The following COP1 variants were observed in gnomAD, a reference collection of about 807,000 sequenced individuals.
COP1 encodes the protein E3 ubiquitin-protein ligase COP1.
A neutral mutation model predicts 101.3 loss-of-function variants in COP1; 24 were observed. The observed-to-expected ratio is 0.24, with a 90% CI of 0.17 to 0.33. COP1 has a LOEUF of 0.33. COP1 is among the 10% of genes least tolerant of loss of function. The pLI, the probability that COP1 is intolerant of heterozygous loss-of-function variation, is 1.00. For missense variants in COP1, 663 were observed against 906.2 expected (o/e 0.73, Z 3.45); for synonymous variants, 347 against 341.9 (o/e 1.01, Z -0.17).
At chr1:176,182,425 G>A (rs1355841827) in intron 2 of COP1, among the ~76,000 whole-genome samples, 2 of 152,186 alleles carry the variant, frequency 1.3e-5, no homozygotes, top group Non-Finnish European at 2.9e-5. Flanking sequence ...TGTCCCCCAA[G>A]GGGTATCTGC....
In COP1 at chr1:176,085,802, A is replaced by T; in HGVS notation, c.1115T>A (p.Phe372Tyr). 1.2e-6 allele frequency: 2 copies of T among 1,602,060 alleles called. No homozygotes were observed. The highest frequency in any genetic ancestry group is 1.7e-6 in the Non-Finnish European group (2 of 1,170,882). ...TGAGATACGAGACATCCTTGTAGAA[A>T]AGTAACACTGCTCCAAGTCTTCAAA... is the stretch of plus-strand genomic sequence containing the variant. ...AHFEDLEQCY[F>Y]STRMSRISDD... The change falls in exon 10 of 20, where the codon TTT becomes TAT. Residue 372 changes from phenylalanine to tyrosine, a missense_variant. Phe to Tyr is a conservative substitution (Grantham distance 22). This residue lies in a region of COP1 where 212 missense variants were observed against 240.7 expected (regional missense o/e 0.88). Transcript: ENST00000367669.
Position 176,206,713 on chromosome 1 carries a change from T to C in COP1, c.266A>G (p.His89Arg). 1 of 1,596,590 alleles carries C rather than the reference T, an allele frequency of 6.3e-7. No homozygotes were observed. Among genetic ancestry groups the C allele is most frequent in the Non-Finnish European group, 8.5e-7 (1 of 1,176,922 alleles). ...GGAVSTGLSR[H>R]SCAARPSAGV... The stretch of plus-strand genomic sequence containing the variant: ...GGCGCTGGGCCTGGCCGCGCAGCTG[T>C]GCCGGGACAGGCCCGTGGACACCGC... Residue 89 changes from histidine to arginine, a missense_variant, in exon 1 of 20, where the codon CAC (histidine) becomes CGC (arginine). Physicochemically the swap from His to Arg is conservative, Grantham distance 29. Transcript: ENST00000367669.
At chr1:175,965,559 T>C (rs916908706) in intron 18 of COP1, among the ~76,000 whole-genome samples, 6 of 143,986 alleles carry the variant, frequency 4.2e-5, no homozygotes, top group Non-Finnish European at 7.5e-5. Context: ...TTCATTTCAC[T>C]TATCTGGGTT....
intron 18 of COP1, among the ~76,000 whole-genome samples, chr1:175,947,911 CCTT>C (rs1649390750): frequency 6.6e-6 from 1 of 152,172 alleles, no homozygotes; most frequent in Non-Finnish European, 1.5e-5. Flanking sequence ...CCAGCACACT[CCTT>C]CTTCATTCAT....
chr1:175,999,166 A>T (rs998347755), intron 15 of COP1, among the ~76,000 whole-genome samples: 7 of 152,136 alleles, frequency 4.6e-5, no homozygotes, highest in African/African-American at 1.7e-4. Context: ...TATTGACTAT[A>T]GTCACCTCGT....
chr1:176,162,727 A>C (rs975349274), intron 5 of COP1, 142 bp downstream of exon 5: 7 of 558,478 alleles, frequency 1.3e-5, no homozygotes, highest in African/African-American at 1.9e-5. Flanking sequence ...ATCTAGCAGA[A>C]GTGACACTTT....
chr1:176,098,042 A>G (rs2149488247), intron 9 of COP1, among the ~76,000 whole-genome samples: 1 of 152,338 alleles, frequency 6.6e-6, no homozygotes, highest in South Asian at 2.1e-4. Context: ...AGATGTCATC[A>G]AAATGTAAAT....
Position 176,114,067 on chromosome 1 carries a change from G to A in COP1, c.1026+2557C>T, listed in dbSNP as rs113901196. Among the ~76,000 whole-genome samples, 660 of 151,760 alleles carry A rather than the reference G, an allele frequency of 4.3e-3. 5 individuals are homozygous for A. Among genetic ancestry groups the A allele is most frequent in the Middle Eastern group, 6.8e-3 (2 of 294 alleles). On this transcript the variant is annotated intron_variant, in intron 9 of 19. Transcript: ENST00000367669. ...GTCACAGGGAGTAGCCTTGTCTGAT[G>A]TTGATGTTCTGTGAAATTATATTCA...
chr1:175,948,035 T>G (rs1649407222), intron 18 of COP1, among the ~76,000 whole-genome samples: 1 of 152,168 alleles, frequency 6.6e-6, no homozygotes, highest in African/African-American at 2.4e-5. Flanking sequence ...GAATATTCAT[T>G]TGGGAAAAAG....
chr1:176,013,721 C>CT (rs1665096284), intron 15 of COP1, among the ~76,000 whole-genome samples: 1 of 152,092 alleles, frequency 6.6e-6, no homozygotes, highest in South Asian at 2.1e-4. Flanking sequence ...ACAAAAGGAC[C>CT]TTTTATAGCT....
At chr1:176,155,949 A>T (rs916599418) in intron 5 of COP1, among the ~76,000 whole-genome samples, 5 of 152,104 alleles carry the variant, frequency 3.3e-5, no homozygotes, top group African/African-American at 1.2e-4. Flanking sequence ...TAAAAGGGAA[A>T]TCAGCCAGAT....
At chr1:176,151,953 T>C (rs1364154073) in intron 5 of COP1, among the ~76,000 whole-genome samples, 2 of 108,256 alleles carry the variant, frequency 1.8e-5, no homozygotes, top group East Asian at 4.3e-4. Context: ...TTTGAGGGCA[T>C]TTTTTTTTTT....
chr1:176,115,851 A>T (rs974247217), intron 9 of COP1, among the ~76,000 whole-genome samples: 6 of 152,204 alleles, frequency 3.9e-5, no homozygotes, highest in African/African-American at 1.4e-4. Context: ...AGATGAAGAG[A>T]GTAAAGGTTA....
At chr1:176,149,382 C>A (rs1692069478) in intron 5 of COP1, among the ~76,000 whole-genome samples, 1 of 152,068 alleles carries the variant, frequency 6.6e-6, no homozygotes, top group Admixed American at 6.6e-5. Context: ...TTCCCCAACT[C>A]AACTAAGAAA....
chr1:176,089,317 C>CAA (rs1680856402), intron 9 of COP1, among the ~76,000 whole-genome samples: 1 of 151,666 alleles, frequency 6.6e-6, no homozygotes, highest in South Asian at 2.1e-4. Flanking sequence ...ACAACAACAA[C>CAA]AACAACAACA....
rs143824955 is a variant in COP1, at chr1:176,076,628, G to A, written c.1277+4524C>T. 2.6e-3 allele frequency among the ~76,000 whole-genome samples: 398 copies of A among 151,956 alleles called. 3 individuals are homozygous for A. The highest frequency in any genetic ancestry group is 9.2e-3 in the African/African-American group (380 of 41,480). ...AAGAAAAAACTAAAATCAGAGAAGA[G>A]CTGAATGAAATTGAGACCCAAAAGT... On this transcript the variant is annotated intron_variant, in intron 11 of 19. Coordinates refer to ENST00000367669, the MANE Select transcript of COP1 (RefSeq NM_022457.7).
chr1:176,095,232 A>G (rs1024177387), intron 9 of COP1, among the ~76,000 whole-genome samples: 2 of 152,360 alleles, frequency 1.3e-5, no homozygotes, highest in African/African-American at 2.4e-5. Context: ...TTTTCATACA[A>G]GCAGATTTAA....
At chr1:176,094,158 GTT>G (rs550406314) in intron 9 of COP1, among the ~76,000 whole-genome samples, 11 of 152,192 alleles carry the variant, frequency 7.2e-5, no homozygotes, top group African/African-American at 2.6e-4. Flanking sequence ...CAGCAACACT[GTT>G]TTGTTTTACT....
At chr1:176,009,877 TGG>T (rs5778885) in intron 15 of COP1, among the ~76,000 whole-genome samples, 35,716 of 103,724 alleles carry the variant, frequency 0.34, 6,533 homozygotes, top group East Asian at 0.58. Flanking sequence ...TTAGGTTACT[TGG>T]GGGGGGGGGG....
Sources: gnomAD v4.1 joint callset for allele counts (sites outside exome capture counted in the v4.1 genomes callset) on GRCh38, gnomAD v4.1.1 for gene constraint, gnomAD v4.1.1 regional missense constraint, MANE v1.5 for transcripts, NCBI Gene and HGNC (gene_info 2026-07-23, HGNC 2026-07-21) for gene names.